Variants in RBFOX3 observed in about 807,000 individuals in gnomAD.
The protein encoded by RBFOX3 is RNA binding protein fox-1 homolog 3.
In RBFOX3, 17 loss-of-function variants were observed where a neutral mutation model predicts 48.7. The ratio of observed to expected loss-of-function variants is 0.35; its 90% CI spans 0.24 to 0.52. The LOEUF (loss-of-function observed/expected upper bound fraction) is 0.52, where lower values mean the gene tolerates loss of function less well. Among genes scored for constraint, RBFOX3 ranks in the 20% least tolerant of loss-of-function variants. The pLI is 0.94. For synonymous variants in RBFOX3, 212 were observed against 209.5 expected, an observed-to-expected ratio of 1.01 and a Z score of -0.10; for missense variants, 382 against 497.5, an observed-to-expected ratio of 0.77 and a Z score of 2.21.
chr17:79,446,986 G>A (rs967944018), intron 2 of RBFOX3, among the ~76,000 whole-genome samples: 2 of 152,226 alleles, frequency 1.3e-5, no homozygotes, highest in Admixed American at 6.5e-5. Flanking sequence ...CCTGCAACAC[G>A]AGTACCTGAG....
intron 1 of RBFOX3, among the ~76,000 whole-genome samples, chr17:79,484,125 C>A (rs2079170019): frequency 6.6e-6 from 1 of 152,218 alleles, no homozygotes; most frequent in South Asian, 2.1e-4. Context: ...CTGTGTCTCC[C>A]TGAATCCCCC....
intron 2 of RBFOX3, among the ~76,000 whole-genome samples, chr17:79,446,283 C>T (rs1555738272): frequency 6.6e-6 from 1 of 152,180 alleles, no homozygotes; most frequent in African/African-American, 2.4e-5. Flanking sequence ...AAAATTCCAG[C>T]AGCTCCTCTC....
chr17:79,372,235 C>CCCGGACAGCA (rs2058648961), intron 2 of RBFOX3, among the ~76,000 whole-genome samples: 1 of 151,970 alleles, frequency 6.6e-6, no homozygotes, highest in Non-Finnish European at 1.5e-5. Context: ...CCCAGCCTGT[C>CCCGGACAGCA]CTATGGCCTC....
At chr17:79,160,546 C>A (rs2046767778) in intron 4 of RBFOX3, among the ~76,000 whole-genome samples, 1 of 152,232 alleles carries the variant, frequency 6.6e-6, no homozygotes, top group African/African-American at 2.4e-5. Flanking sequence ...CACCCTGGAG[C>A]AGGCCTGGGT....
chr17:79,617,208 C>T, the RBFOX3 span, among the ~76,000 whole-genome samples: 1,084 of 152,258 alleles, frequency 7.1e-3, 23 homozygotes, highest in East Asian at 0.024. Context: ...ATTCTTCTTC[C>T]GTTTTCTCCC....
At chr17:79,137,237 GCACACA>G (rs4012813) in intron 4 of RBFOX3, among the ~76,000 whole-genome samples, 8 of 150,290 alleles carry the variant, frequency 5.3e-5, no homozygotes, top group Non-Finnish European at 7.4e-5. Context: ...CCCTCTTCAT[GCACACA>G]CACACACACA....
At chr17:79,575,339 A>G (rs1222518960) in intron 1 of RBFOX3, among the ~76,000 whole-genome samples, 2 of 152,118 alleles carry the variant, frequency 1.3e-5, no homozygotes, top group East Asian at 3.9e-4. Context: ...AGAGTGAGGG[A>G]GACAAAGGGG....
intron 2 of RBFOX3, among the ~76,000 whole-genome samples, chr17:79,450,847 A>T (rs782090861): frequency 1.3e-5 from 2 of 152,244 alleles, no homozygotes; most frequent in Non-Finnish European, 2.9e-5. Flanking sequence ...TGATAAGACT[A>T]GTCCCAAAAG....
At chr17:79,306,753 C>T (rs569930214) in intron 3 of RBFOX3, among the ~76,000 whole-genome samples, 1 of 152,200 alleles carries the variant, frequency 6.6e-6, no homozygotes, top group African/African-American at 2.4e-5. Flanking sequence ...CTGAGCCAAC[C>T]TCCTAGGCCT....
In RBFOX3 at chr17:79,199,423, T is replaced by G. The variant is rs2056363465; in HGVS notation, c.-34+36343A>C. On this transcript the variant is annotated intron_variant, in intron 4 of 14. Transcript: ENST00000693108. The surrounding 1 kb of genome is among the most constrained non-coding windows in gnomAD (Gnocchi z 5.1). Reference sequence around the variant, plus strand: ...TCTGCCCACCGCCCTACTGCAGGAGTTGCAGATCTTGGGGGTCTCTCAGTG... The same window carrying G: ...TCTGCCCACCGCCCTACTGCAGGAGGTGCAGATCTTGGGGGTCTCTCAGTG... Among the ~76,000 whole-genome samples the G allele has an allele frequency of 6.6e-6, 1 of 151,788 alleles. No individual in the cohort carries two copies. The highest frequency in any genetic ancestry group is 2.1e-4 in the South Asian group (1 of 4,804).
At chr17:79,274,659 C>T (rs1206297248) in intron 3 of RBFOX3, among the ~76,000 whole-genome samples, 1 of 152,030 alleles carries the variant, frequency 6.6e-6, no homozygotes, top group Non-Finnish European at 1.5e-5. Flanking sequence ...CAGCGAGGGT[C>T]CCCTCATCCC....
chr17:79,286,422 A>G (rs1320781988), intron 3 of RBFOX3, among the ~76,000 whole-genome samples: 1 of 151,562 alleles, frequency 6.6e-6, no homozygotes, highest in African/African-American at 2.4e-5. Flanking sequence ...TCACCAAATC[A>G]CCCCAGCACT....
chr17:79,447,931 A>G (rs1346693404), intron 2 of RBFOX3, among the ~76,000 whole-genome samples: 1 of 152,156 alleles, frequency 6.6e-6, no homozygotes, highest in Non-Finnish European at 1.5e-5. Flanking sequence ...TGTTCTCATG[A>G]TAGTGAGTGA....
chr17:79,142,694 C>G (rs1020488806), intron 4 of RBFOX3, among the ~76,000 whole-genome samples: 5 of 152,140 alleles, frequency 3.3e-5, no homozygotes, highest in African/African-American at 1.2e-4. Flanking sequence ...CACCTGGGCT[C>G]CTCTGAACAG....
chr17:79,106,109 C>T (rs908263861), intron 6 of RBFOX3, among the ~76,000 whole-genome samples: 2 of 152,208 alleles, frequency 1.3e-5, no homozygotes, highest in Non-Finnish European at 2.9e-5. Flanking sequence ...ACTGTGCATC[C>T]GGTTCCAAGT....
intron 1 of RBFOX3, among the ~76,000 whole-genome samples, chr17:79,517,444 C>CAAAAAA (rs1231600861): frequency 9.5e-5 from 9 of 94,930 alleles, no homozygotes; most frequent in African/African-American, 2.1e-4. Flanking sequence ...GAGTCTGTCT[C>CAAAAAA]AAAAAAAAAA....
At chr17:79,092,766 A>C in intron 14 of RBFOX3, 1 of 448,732 alleles carries the variant, frequency 2.2e-6, no homozygotes, top group Non-Finnish European at 2.9e-6. Context: ...CTTTCCCCCT[A>C]TATTCCTTGG....
chr17:79,566,439 A>G (rs1044831513), intron 1 of RBFOX3, among the ~76,000 whole-genome samples: 2 of 152,204 alleles, frequency 1.3e-5, no homozygotes, highest in Admixed American at 6.5e-5. Context: ...GAAAACTGGT[A>G]AGACCAGCTT....
intron 2 of RBFOX3, among the ~76,000 whole-genome samples, chr17:79,440,171 C>G (rs1166948501): frequency 6.6e-6 from 1 of 152,154 alleles, no homozygotes; most frequent in Non-Finnish European, 1.5e-5. Flanking sequence ...GAGATAAAGC[C>G]GTGTCTAATT....
Sources: allele counts gnomAD v4.1 joint callset (sites outside exome capture counted in the v4.1 genomes callset), GRCh38; gene constraint gnomAD v4.1.1; non-coding constraint Gnocchi (gnomAD v3.1); transcripts MANE v1.5; gene names NCBI Gene and HGNC (gene_info 2026-07-23, HGNC 2026-07-21).